GALM: variants seen among roughly 807,000 people sequenced by gnomAD.
The protein encoded by GALM is aldose 1-epimerase.
GALM carries 43 observed loss-of-function variants against 37.4 expected under a neutral mutation model. That is an observed-to-expected ratio of 1.15 (90% CI 0.90 to 1.48). GALM has a LOEUF of 1.48. GALM is among the 40% of genes most tolerant of loss of function. The probability of loss-of-function intolerance (pLI) is 0.00; values close to 1 mark genes in which losing one functional copy is unlikely to be tolerated. For missense variants in GALM, 456 were observed against 419.1 expected (o/e 1.09, Z -0.77); for synonymous variants, 199 against 170.6 (o/e 1.17, Z -1.30).
At chr2:38,680,460 T>G (rs2148429126) in intron 2 of GALM, among the ~76,000 whole-genome samples, 1 of 152,164 alleles carries the variant, frequency 6.6e-6, no homozygotes, top group Admixed American at 6.5e-5. Context: ...ATGCCTAGAG[T>G]CACACAATGA....
At chr2:38,670,246 G>C (rs971037120) in intron 1 of GALM, among the ~76,000 whole-genome samples, 2 of 152,126 alleles carry the variant, frequency 1.3e-5, no homozygotes, top group African/African-American at 4.8e-5. Flanking sequence ...TTGCTTATAA[G>C]CCACAGGTAT....
intron 5 of GALM, among the ~76,000 whole-genome samples, chr2:38,730,799 T>G (rs1374114169): frequency 1.3e-5 from 2 of 151,494 alleles, no homozygotes; most frequent in East Asian, 3.9e-4. Flanking sequence ...TGGGCACCTA[T>G]AATCTCAGCT....
At chr2:38,694,890 C>G (rs1665765673) in intron 4 of GALM, among the ~76,000 whole-genome samples, 1 of 134,296 alleles carries the variant, frequency 7.4e-6, no homozygotes, top group South Asian at 2.5e-4. Context: ...GAGCAAGACT[C>G]CGTCTCAAAA....
At chr2:38,725,900 C>T (rs1365680388) in intron 4 of GALM, among the ~76,000 whole-genome samples, 2 of 151,922 alleles carry the variant, frequency 1.3e-5, no homozygotes, top group Non-Finnish European at 2.9e-5. Context: ...TTAGTAGAGA[C>T]GGGGTTTCGC....
chr2:38,684,263 G>T (rs1171046314), intron 3 of GALM, among the ~76,000 whole-genome samples: 2 of 152,146 alleles, frequency 1.3e-5, no homozygotes, highest in Non-Finnish European at 2.9e-5. Context: ...GGGAGAACTG[G>T]CTTTGTCAAA....
At chr2:38,718,886 T>C (rs1225207738) in intron 4 of GALM, among the ~76,000 whole-genome samples, 1 of 151,872 alleles carries the variant, frequency 6.6e-6, no homozygotes, top group Non-Finnish European at 1.5e-5. Context: ...AATTAAAAGC[T>C]TTTAATTAAA....
Position 38,730,750 on chromosome 2 carries a change from G to A in GALM, c.777-985G>A, listed in dbSNP as rs183621499. On this transcript the variant is annotated intron_variant, in intron 5 of 6. Transcript: ENST00000272252. ...AGCCTCGCCAACATGGTGAAACGCCGTCTCTACTAAAAATATAAAAATTAG... is the reference window on the plus strand; with the variant it reads ...AGCCTCGCCAACATGGTGAAACGCCATCTCTACTAAAAATATAAAAATTAG... 4.7e-3 allele frequency among the ~76,000 whole-genome samples: 707 copies of A among 151,604 alleles called. 3 individuals are homozygous for A. Among genetic ancestry groups the A allele is most frequent in the Non-Finnish European group, 7.2e-3 (492 of 67,920 alleles).
intron 4 of GALM, among the ~76,000 whole-genome samples, chr2:38,700,659 A>C (rs1394536626): frequency 1.3e-5 from 2 of 152,146 alleles, no homozygotes; most frequent in African/African-American, 2.4e-5. Flanking sequence ...TAGTTGGGCC[A>C]TGTTTTTTAA....
rs556476502 is a variant in GALM, at chr2:38,667,543, G to A, written c.190+1192G>A. 8.7e-5 allele frequency among the ~76,000 whole-genome samples: 13 copies of A among 149,870 alleles called. No individual in the cohort carries two copies. The East Asian group carries it at 2.4e-3, about 28-fold the overall frequency. Reference sequence around the variant, plus strand: ...CAAGATTGCGCCACTGCACTCCAGCGTGGGTGGCAGAGCGAAACTCTATCT... The same window carrying A: ...CAAGATTGCGCCACTGCACTCCAGCATGGGTGGCAGAGCGAAACTCTATCT... On this transcript the variant is annotated intron_variant, in intron 1 of 6. Transcript: ENST00000272252.
intron 4 of GALM, among the ~76,000 whole-genome samples, chr2:38,708,712 G>C (rs1191824448): frequency 1.4e-5 from 2 of 145,828 alleles, no homozygotes; most frequent in East Asian, 2.0e-4. Context: ...CTGGGTGATA[G>C]AGCGAGACTC....
At chr2:38,731,127 T>C (rs1666599536) in intron 5 of GALM, among the ~76,000 whole-genome samples, 1 of 152,104 alleles carries the variant, frequency 6.6e-6, no homozygotes, top group Non-Finnish European at 1.5e-5. Context: ...CTCTAGAGGC[T>C]GAGGCAGGAG....
In GALM at chr2:38,676,086, C is replaced by A. The variant is rs1665253469; in HGVS notation, c.345+20C>A. ...GATAAAGTAAGTACGGCACATGTGA[C>A]TGAGTTCCCTTTAGGCTCACTTTAC... On this transcript the variant is annotated intron_variant, in intron 2 of 6. Coordinates refer to ENST00000272252, the MANE Select transcript of GALM (RefSeq NM_138801.3). The A allele has an allele frequency of 1.2e-6, 2 of 1,612,732 alleles. No individual in the cohort carries two copies. The highest frequency in any genetic ancestry group is 2.7e-5 in the African/African-American group (2 of 74,854).
At chr2:38,731,959 CTG>C (rs1254219434) in intron 6 of GALM, 50 bp downstream of exon 6, 11 of 1,439,994 alleles carry the variant, frequency 7.6e-6, no homozygotes, top group African/African-American at 1.4e-5. Context: ...CAAGGTCACA[CTG>C]TACGACAGAG....
At chr2:38,692,828 C>T (rs1006230632) in intron 4 of GALM, among the ~76,000 whole-genome samples, 1 of 152,084 alleles carries the variant, frequency 6.6e-6, no homozygotes, top group Non-Finnish European at 1.5e-5. Flanking sequence ...GGAAGTTTGC[C>T]AGGGAGTGAG....
intron 4 of GALM, among the ~76,000 whole-genome samples, chr2:38,706,733 G>T (rs140226314): frequency 9.9e-5 from 15 of 151,894 alleles, no homozygotes; most frequent in African/African-American, 3.6e-4. Context: ...GACCAGTTTA[G>T]ATGCTGTTGT....
chr2:38,700,680 C>T (rs1572528742), intron 4 of GALM, among the ~76,000 whole-genome samples: 2 of 152,140 alleles, frequency 1.3e-5, no homozygotes, highest in East Asian at 1.9e-4. Context: ...TCCATTCAGC[C>T]AGTCTATATA....
At chr2:38,698,511 C>A in intron 4 of GALM, 153 of 581,410 alleles carry the variant, frequency 2.6e-4, no homozygotes, top group Middle Eastern at 6.8e-4. Context: ...TTCTTAGCTA[C>A]TTAAAAAAAA....
chr2:38,689,374 G>A (rs997844739), intron 3 of GALM, among the ~76,000 whole-genome samples: 1 of 152,152 alleles, frequency 6.6e-6, no homozygotes, highest in Non-Finnish European at 1.5e-5. Context: ...GTGGAAACTG[G>A]GCTAGAGGGG....
intron 4 of GALM, among the ~76,000 whole-genome samples, chr2:38,693,469 C>T (rs868226451): frequency 1.5e-5 from 2 of 133,462 alleles, no homozygotes; most frequent in African/African-American, 6.0e-5. Flanking sequence ...GGAAACAGAG[C>T]GAGACTCTGC....
Sources: allele counts gnomAD v4.1 joint callset (sites outside exome capture counted in the v4.1 genomes callset), GRCh38; gene constraint gnomAD v4.1.1; transcripts MANE v1.5; gene names NCBI Gene and HGNC (gene_info 2026-07-23, HGNC 2026-07-21).